The following LOXL1 variants were observed in gnomAD, a reference collection of about 807,000 sequenced individuals.
LOXL1 encodes the protein lysyl oxidase homolog 1.
Under a neutral mutation model 62.2 loss-of-function variants are expected in LOXL1, and 31 were observed. The ratio of observed to expected loss-of-function variants is 0.50; its 90% confidence interval spans 0.37 to 0.67. The LOEUF (loss-of-function observed/expected upper bound fraction) is 0.67. LOXL1 is among the 30% of genes least tolerant of loss of function. The pLI is 0.00. For missense variants in LOXL1, 775 were observed against 843.4 expected, an observed-to-expected ratio of 0.92 and a Z score of 1.00; for synonymous variants, 403 against 384.4, an observed-to-expected ratio of 1.05 and a Z score of -0.56.
chr15:73,928,884 A>C (rs372077893), intron 1 of LOXL1, among the ~76,000 whole-genome samples: 2 of 146,438 alleles, frequency 1.4e-5, no homozygotes, highest in South Asian at 4.3e-4. Flanking sequence ...AAAAAAAAAA[A>C]CACCTCACTG....
At chr15:73,946,381 C>T (rs752705609) in intron 2 of LOXL1, 36 bp from the exon 3 acceptor site, 3 of 1,490,594 alleles carry the variant, frequency 2.0e-6, no homozygotes, top group East Asian at 2.3e-5. Context: ...GTCACTGTGC[C>T]CCAACCCCCC....
At chr15:73,946,873 C>T (rs772132256) in intron 3 of LOXL1, among the ~76,000 whole-genome samples, 194 bp from the exon 4 acceptor site, 14 of 152,238 alleles carry the variant, frequency 9.2e-5, no homozygotes, top group Non-Finnish European at 1.9e-4. Context: ...AGAGCATGTG[C>T]TGTCCTGGAG....
At chr15:73,931,615 C>CCTT (rs1175228867) in intron 1 of LOXL1, among the ~76,000 whole-genome samples, 1 of 152,162 alleles carries the variant, frequency 6.6e-6, no homozygotes, top group African/African-American at 2.4e-5. Context: ...TAGGGTACCT[C>CCTT]CTTCTCTGTC....
intron 1 of LOXL1, among the ~76,000 whole-genome samples, chr15:73,932,017 T>C (rs928642596): frequency 6.6e-6 from 1 of 151,096 alleles, no homozygotes; most frequent in East Asian, 1.9e-4. Flanking sequence ...AAAACAGGCC[T>C]AGGGAGGTGG....
rs1052123475 is a variant in LOXL1, at chr15:73,951,923, C to T, written c.*86C>T. On this transcript the variant is annotated 3_prime_UTR_variant, in exon 7 of 7. Transcript: ENST00000261921. ...AGCCTCCCGCCGAGGGGCCCAGCCC[C>T]CAACCCACAGGCACGGAGGGGCATC... is the stretch of plus-strand genomic sequence containing the variant. 37 of 1,299,796 alleles carry T rather than the reference C, an allele frequency of 2.8e-5. No homozygotes were observed. The highest frequency in any genetic ancestry group is 3.2e-5 in the Non-Finnish European group (32 of 993,956). The allele number at this position is 1,299,796 out of a possible 1,614,324, so 80.5% of individuals were successfully genotyped here. A position where few individuals can be genotyped will look rare whatever the true frequency, so the allele number is the denominator to read the frequency against.
intron 1 of LOXL1, among the ~76,000 whole-genome samples, chr15:73,934,758 TA>T (rs1021874633): frequency 2.0e-5 from 3 of 151,978 alleles, no homozygotes; most frequent in East Asian, 1.9e-4. Context: ...AATAAATATG[TA>T]AAAAAAATAG....
intron 1 of LOXL1, chr15:73,941,940 G>A: frequency 3.7e-6 from 1 of 271,394 alleles, no homozygotes; most frequent in Non-Finnish European, 8.2e-6. Flanking sequence ...GGACGGACAG[G>A]CCCCGGGCTC....
rs1180364454 is a variant in LOXL1, at chr15:73,951,949, C to A, written c.*112C>A. On this transcript the variant is annotated 3_prime_UTR_variant, in exon 7 of 7. Coordinates refer to ENST00000261921, the MANE Select transcript of LOXL1 (RefSeq NM_005576.4). ...CAACCCACAGGCACGGAGGGGCATC[C>A]CTCCCTGCCGGCCTCAGGGAGCGAA... 3.1e-6 allele frequency: 3 copies of A among 968,082 alleles called. No homozygotes were observed. The African/African-American group carries it at 5.0e-5, about 16-fold the overall frequency. 60.0% of individuals were successfully genotyped at this position (968,082 alleles called of 1,614,324 possible).
In LOXL1 at chr15:73,927,164, C is replaced by T; in HGVS notation, c.381C>T (p.Asn127=). Residue 127 remains asparagine (N), a synonymous_variant, in exon 1 of 7, where the codon AAC becomes AAT. Coordinates refer to ENST00000261921, the MANE Select transcript of LOXL1 (RefSeq NM_005576.4). ...HPFGFGQVPD[N]WREVAVGDST... ...TCGGCTTTGGCCAGGTGCCCGACAA[C>T]TGGCGCGAGGTGGCCGTCGGGGACA... 3 of 1,533,812 alleles carry T rather than the reference C, an allele frequency of 2.0e-6. No individual in the cohort carries two copies. The highest frequency in any genetic ancestry group is 2.6e-6 in the Non-Finnish European group (3 of 1,140,950).
chr15:73,946,955 C>A, intron 3 of LOXL1, 112 bp from the exon 4 acceptor site: 1 of 1,193,538 alleles, frequency 8.4e-7, no homozygotes, highest in Non-Finnish European at 1.2e-6. Context: ...CTAGACCAGC[C>A]AGGAGGCTGT....
chr15:73,947,045 T>G (rs1261791366), intron 3 of LOXL1, 22 bp from the exon 4 acceptor site: 3 of 1,568,240 alleles, frequency 1.9e-6, no homozygotes, highest in Admixed American at 1.8e-5. Flanking sequence ...CTCTTCTTTC[T>G]CCTTCTCTCC....
chr15:73,950,881 T>C (rs1269618629), intron 6 of LOXL1, among the ~76,000 whole-genome samples: 2 of 152,202 alleles, frequency 1.3e-5, no homozygotes, highest in African/African-American at 2.4e-5. Context: ...TCCAGTTCAG[T>C]GCAGAGATTA....
intron 1 of LOXL1, among the ~76,000 whole-genome samples, chr15:73,937,077 C>T (rs1455669124): frequency 1.3e-5 from 2 of 152,214 alleles, no homozygotes; most frequent in Non-Finnish European, 2.9e-5. Flanking sequence ...TGGAGCTTCC[C>T]CCCTGAGAAG....
chr15:73,947,666 G>A (rs2068757558), intron 4 of LOXL1, 141 bp from the exon 5 acceptor site: 2 of 630,356 alleles, frequency 3.2e-6, no homozygotes, highest in Admixed American at 5.4e-5. Context: ...AGGAAGGTGT[G>A]GACCCACCCT....
chr15:73,928,178 C>T (rs2068605945), intron 1 of LOXL1: 2 of 357,952 alleles, frequency 5.6e-6, no homozygotes, highest in East Asian at 4.2e-5. Context: ...AGGAGGCTCG[C>T]CTTCTGCACT....
At chr15:73,935,934 G>GGTGTGTGTGTGTGTGTGTGTGTGTGT in intron 1 of LOXL1, among the ~76,000 whole-genome samples, 1 of 131,934 alleles carries the variant, frequency 7.6e-6, no homozygotes, top group South Asian at 2.7e-4. Flanking sequence ...AGGTAGAGCT[G>GGTGTGTGTGTGTGTGTGTGTGTGTGT]GTGTGTGTGT....
Position 73,927,416 on chromosome 15 carries a change from C to A in LOXL1, c.633C>A (p.Gly211=), listed in dbSNP as rs1220897540. The A allele has an allele frequency of 3.9e-6, 6 of 1,527,976 alleles. No individual in the cohort carries two copies. The highest frequency in any genetic ancestry group is 1.8e-4 in the Middle Eastern group (1 of 5,632). 94.7% of individuals were successfully genotyped at this position (1,527,976 alleles called of 1,614,324 possible). The change falls in exon 1 of 7, where the codon GGC becomes GGA. Residue 211 remains glycine (G), a synonymous_variant. Transcript: ENST00000261921. ...GFVYYRPAGG[G]VGAGAAAVAS... ...TGTACTACCGGCCCGCGGGCGGCGG[C>A]GTGGGCGCGGGGGCGGCGGCCGTGG...
Position 73,930,069 on chromosome 15 carries a change from A to G in LOXL1, c.1102+2184A>G, listed in dbSNP as rs1219674234. ...CCACAGTTCATTTTGGGTCAAAAAC[A>G]TTTCTCCCCTGAAGGTAGCATCCTA... On this transcript the variant is annotated intron_variant, in intron 1 of 6. Coordinates refer to ENST00000261921, the MANE Select transcript of LOXL1 (RefSeq NM_005576.4). The surrounding 1 kb of genome is among the most constrained non-coding windows in gnomAD (Gnocchi z 4.7). 6.6e-6 allele frequency among the ~76,000 whole-genome samples: 1 copy of G among 152,062 alleles called. No individual in the cohort carries two copies. Among genetic ancestry groups the G allele is most frequent in the African/African-American group, 2.4e-5 (1 of 41,388 alleles).
intron 6 of LOXL1, 127 bp downstream of exon 6, chr15:73,949,701 G>C: frequency 1.5e-6 from 1 of 672,808 alleles, no homozygotes; most frequent in Admixed American, 2.2e-5. Flanking sequence ...AGCTGCAGCA[G>C]GGCCCATCAA....
Sources: gnomAD v4.1 joint callset for allele counts (sites outside exome capture counted in the v4.1 genomes callset) on GRCh38, gnomAD v4.1.1 for gene constraint, Gnocchi (gnomAD v3.1) non-coding constraint, MANE v1.5 for transcripts, NCBI Gene and HGNC (gene_info 2026-07-23, HGNC 2026-07-21) for gene names.